Variants in PALS2 observed in about 807,000 individuals in gnomAD.
PALS2 encodes the protein protein PALS2.
Under a neutral mutation model 61.6 loss-of-function variants are expected in PALS2, and 27 were observed. The observed-to-expected ratio is 0.44, with a 90% CI of 0.32 to 0.60. PALS2 has a LOEUF of 0.60. Among genes scored for constraint, PALS2 ranks in the 20% least tolerant of loss-of-function variants. The pLI, the probability that PALS2 is intolerant of heterozygous loss-of-function variation, is 0.05. For synonymous variants in PALS2, 236 were observed against 218.6 expected (o/e 1.08, Z -0.70); for missense variants, 554 against 639.4 (o/e 0.87, Z 1.44).
chr7:24,619,961 T>G (rs1377484468), intron 1 of PALS2: 2 of 152,216 alleles, frequency 1.3e-5, no homozygotes, highest in East Asian at 3.9e-4. Context: ...GCCTCTTATT[T>G]TATATATTAA....
At chr7:24,589,823 A>G (rs1216042805) in intron 1 of PALS2, among the ~76,000 whole-genome samples, 1 of 152,202 alleles carries the variant, frequency 6.6e-6, no homozygotes, top group Admixed American at 6.5e-5. Context: ...TCATAGAGTT[A>G]ATCATGGTTA....
At chr7:24,657,225 T>C (rs1222796045) in intron 5 of PALS2, among the ~76,000 whole-genome samples, 1 of 152,226 alleles carries the variant, frequency 6.6e-6, no homozygotes, top group Admixed American at 6.5e-5. Flanking sequence ...CTTGAGTATA[T>C]ACCAGGGGTT....
At chr7:24,666,977 A>G (rs892610298) in intron 8 of PALS2, 2 of 152,186 alleles carry the variant, frequency 1.3e-5, no homozygotes, top group African/African-American at 4.8e-5. Flanking sequence ...AGCTACCTCT[A>G]TGCTGGTAAT....
intron 5 of PALS2, among the ~76,000 whole-genome samples, chr7:24,659,839 A>C (rs1786622548): frequency 6.6e-6 from 1 of 152,198 alleles, no homozygotes; most frequent in Admixed American, 6.5e-5. Context: ...TACTCAGTTG[A>C]AAACAGAGGG....
chr7:24,574,537 T>A (rs1782577006), intron 1 of PALS2, among the ~76,000 whole-genome samples: 1 of 151,628 alleles, frequency 6.6e-6, no homozygotes, highest in Non-Finnish European at 1.5e-5. Flanking sequence ...GGGGTGGGGG[T>A]GAAGCGAGGG....
At position 24,631,597 on chromosome 7, in the gene PALS2, A is replaced by C. The variant is rs76488536; in HGVS notation, c.117+7813A>C. ...CTCCAATTTTGAAAGTTTTGCTTGGATAAAATGCTCTCAAACAACATTGCA... is the reference window on the plus strand; with the variant it reads ...CTCCAATTTTGAAAGTTTTGCTTGGCTAAAATGCTCTCAAACAACATTGCA... On this transcript the variant is annotated intron_variant, in intron 2 of 11. Transcript: ENST00000222644. Among the ~76,000 whole-genome samples, 778 of 152,328 alleles carry C rather than the reference A, an allele frequency of 5.1e-3. 29 individuals are homozygous for C. In the East Asian group the frequency reaches 0.092, roughly 18 times the overall value.
intron 1 of PALS2, among the ~76,000 whole-genome samples, chr7:24,610,316 T>A (rs1784068933): frequency 6.6e-6 from 1 of 152,174 alleles, no homozygotes; most frequent in Admixed American, 6.5e-5. Context: ...TATCACCTTT[T>A]TCTGTGATTA....
chr7:24,670,001 C>G (rs1787219018), intron 9 of PALS2, among the ~76,000 whole-genome samples: 1 of 152,102 alleles, frequency 6.6e-6, no homozygotes, highest in Non-Finnish European at 1.5e-5. Context: ...CCTTCTCTTC[C>G]CCTGCCTCAC....
chr7:24,694,107 T>A lies in PALS2; in HGVS notation c.*6493T>A, dbSNP rs971082716. On this transcript the variant is annotated 3_prime_UTR_variant, in exon 12 of 12. Transcript: ENST00000222644. ...AAGTTTAAAAAGAAAAATTAATTGC[T>A]ACTGCTTTCCAGGTAATTGTATTAT... 4.6e-5 allele frequency: 7 copies of A among 152,198 alleles called. No homozygotes were observed. The highest frequency in any genetic ancestry group is 1.7e-4 in the African/African-American group (7 of 41,462). 9.4% of individuals were successfully genotyped at this position (152,198 alleles called of 1,614,324 possible). A position where few individuals can be genotyped will look rare whatever the true frequency, so the allele number is the denominator to read the frequency against.
At chr7:24,619,398 A>G (rs996240545) in intron 1 of PALS2, among the ~76,000 whole-genome samples, 3 of 152,268 alleles carry the variant, frequency 2.0e-5, no homozygotes, top group Middle Eastern at 3.4e-3. Context: ...GATTAAATCT[A>G]TTAATTTTTC....
In PALS2 at chr7:24,679,120, A is replaced by C. The variant is rs775492734; in HGVS notation, c.1115-11A>C. On this transcript the variant is annotated splice_polypyrimidine_tract_variant and intron_variant, in intron 9 of 11. Transcript: ENST00000222644. ...TTCTTTGTACAAAAATCTCAACACT[A>C]TTTTATTTAGTTACTTCACGGAAAC... 7 of 1,611,312 alleles carry C rather than the reference A, an allele frequency of 4.3e-6. No individual in the cohort carries two copies. Among genetic ancestry groups the C allele is most frequent in the Non-Finnish European group, 2.5e-6 (3 of 1,177,780 alleles).
At chr7:24,645,765 C>G (rs981987452) in intron 3 of PALS2, among the ~76,000 whole-genome samples, 1 of 152,070 alleles carries the variant, frequency 6.6e-6, no homozygotes, top group East Asian at 1.9e-4. Flanking sequence ...GATGTTTCTC[C>G]ATTTGTTTGT....
intron 1 of PALS2, among the ~76,000 whole-genome samples, chr7:24,595,462 AATAT>A (rs573695713): frequency 7.1e-4 from 98 of 138,078 alleles, no homozygotes; most frequent in African/African-American, 2.3e-3. Flanking sequence ...AATATATATA[AATAT>A]ATATAAATAT....
At chr7:24,581,245 G>A (rs957781021) in intron 1 of PALS2, among the ~76,000 whole-genome samples, 14 of 5,614 alleles carry the variant, frequency 2.5e-3, no homozygotes, top group Admixed American at 0.021. Context: ...ATTTCCCCAC[G>A]TGTGTGTGTG....
At chr7:24,681,757 A>G (rs1787946895) in intron 11 of PALS2, among the ~76,000 whole-genome samples, 1 of 152,136 alleles carries the variant, frequency 6.6e-6, no homozygotes, top group Admixed American at 6.5e-5. Flanking sequence ...ATCTCCACAC[A>G]TTCGCCTGTG....
rs1287538887 is a variant in PALS2 at position 24,693,684 on chromosome 7, G to C, written c.*6070G>C. 1 of 152,102 alleles carries C rather than the reference G, an allele frequency of 6.6e-6. No homozygotes were observed. Among genetic ancestry groups the C allele is most frequent in the African/African-American group, 2.4e-5 (1 of 41,436 alleles). 9.4% of individuals were successfully genotyped at this position (152,102 alleles called of 1,614,324 possible). A position where few individuals can be genotyped will look rare whatever the true frequency, so the allele number is the denominator to read the frequency against. On this transcript the variant is annotated 3_prime_UTR_variant, in exon 12 of 12. Coordinates refer to ENST00000222644, the MANE Select transcript of PALS2 (RefSeq NM_001303037.2). ...CAATAAAAATATTTCTTATGTCTCT[G>C]TATTCTCTTTTAAAAAGAACTGCTG... is the stretch of plus-strand genomic sequence containing the variant.
intron 1 of PALS2, 114 bp from the exon 2 acceptor site, chr7:24,623,552 T>C (rs1241842076): frequency 1.7e-6 from 1 of 601,016 alleles, no homozygotes; most frequent in African/African-American, 1.9e-5. Flanking sequence ...CCAAAGAGTA[T>C]TCTTAATGTC....
chr7:24,607,672 TATAC>T (rs1783967148), intron 1 of PALS2, among the ~76,000 whole-genome samples: 1 of 151,618 alleles, frequency 6.6e-6, no homozygotes, highest in African/African-American at 2.4e-5. Flanking sequence ...TACACACACA[TATAC>T]ATATGTGTGT....
At chr7:24,631,066 T>C (rs1434016341) in intron 2 of PALS2, among the ~76,000 whole-genome samples, 1 of 152,230 alleles carries the variant, frequency 6.6e-6, no homozygotes, top group East Asian at 1.9e-4. Context: ...TTCATAGGAC[T>C]ACAGCTGCCA....
Sources: gnomAD v4.1 joint callset for allele counts (sites outside exome capture counted in the v4.1 genomes callset) on GRCh38, gnomAD v4.1.1 for gene constraint, MANE v1.5 for transcripts, NCBI Gene and HGNC (gene_info 2026-07-23, HGNC 2026-07-21) for gene names.